Variants in EPHA3 observed in about 807,000 individuals in gnomAD.
EPHA3 encodes the protein ephrin type-A receptor 3.
EPHA3 carries 42 observed loss-of-function variants against 107.1 expected under a neutral mutation model. The ratio of observed to expected loss-of-function variants is 0.39; its 90% CI spans 0.31 to 0.51. The LOEUF (loss-of-function observed/expected upper bound fraction) is 0.51, where lower values mean the gene tolerates loss of function less well. EPHA3 is among the 20% of genes least tolerant of loss of function. The pLI, the probability that EPHA3 is intolerant of heterozygous loss-of-function variation, is 0.78. For missense variants in EPHA3, 1,183 were observed against 1,211.2 expected, an observed-to-expected ratio of 0.98 and a Z score of 0.35; for synonymous variants, 461 against 424.8, an observed-to-expected ratio of 1.09 and a Z score of -1.05.
chr3:89,177,763 T>C (rs1705351324), intron 2 of EPHA3, among the ~76,000 whole-genome samples: 2 of 152,172 alleles, frequency 1.3e-5, no homozygotes, highest in African/African-American at 4.8e-5. Flanking sequence ...TCAACTGTAG[T>C]CCTGACAACA....
At chr3:89,272,545 C>T (rs1705699800) in intron 3 of EPHA3, among the ~76,000 whole-genome samples, 1 of 151,890 alleles carries the variant, frequency 6.6e-6, no homozygotes, top group African/African-American at 2.4e-5. Context: ...AAGGCATGTG[C>T]TATGCCAGAT....
chr3:89,211,172 C>T lies in EPHA3; in HGVS notation c.814+652C>T, dbSNP rs1290455583. On this transcript the variant is annotated intron_variant, in intron 3 of 16. Transcript: ENST00000336596. ...AAAATTATTTGTATCATCCGTTAGG[C>T]TTGAATGCATATTTGATATTAATAT... 3.9e-5 allele frequency among the ~76,000 whole-genome samples: 6 copies of T among 152,004 alleles called. No homozygotes were observed. The East Asian group carries it at 7.7e-4, about 20-fold the overall frequency.
At chr3:89,288,848 C>T (rs1706149253) in intron 3 of EPHA3, among the ~76,000 whole-genome samples, 1 of 152,218 alleles carries the variant, frequency 6.6e-6, no homozygotes, top group East Asian at 1.9e-4. Flanking sequence ...GTTTATTTAA[C>T]CTGAGATTGA....
chr3:89,240,811 G>T (rs978772527), intron 3 of EPHA3, among the ~76,000 whole-genome samples: 1 of 151,930 alleles, frequency 6.6e-6, no homozygotes, highest in Non-Finnish European at 1.5e-5. Context: ...ACTGATTTAG[G>T]TTATGAAGAT....
chr3:89,303,859 A>C (rs1706548582), intron 3 of EPHA3, among the ~76,000 whole-genome samples: 1 of 152,106 alleles, frequency 6.6e-6, no homozygotes, highest in South Asian at 2.1e-4. Flanking sequence ...CTCTTTGTGC[A>C]CCTCTGTGTT....
chr3:89,362,396 T>C (rs762553648), intron 5 of EPHA3, among the ~76,000 whole-genome samples: 2 of 151,080 alleles, frequency 1.3e-5, no homozygotes, highest in Non-Finnish European at 3.0e-5. Flanking sequence ...TTATTCCACC[T>C]CCATGTAAAG....
intron 2 of EPHA3, among the ~76,000 whole-genome samples, chr3:89,183,153 C>T (rs2107123376): frequency 6.6e-6 from 1 of 152,002 alleles, no homozygotes; most frequent in Middle Eastern, 3.4e-3. Flanking sequence ...TTATTGAGTT[C>T]CTACTACATG....
At chr3:89,116,799 C>G (rs1707268520) in intron 1 of EPHA3, among the ~76,000 whole-genome samples, 1 of 150,924 alleles carries the variant, frequency 6.6e-6, no homozygotes, top group Non-Finnish European at 1.5e-5. Flanking sequence ...GCATATTTTC[C>G]ATGAACAAAG....
chr3:89,445,899 G>A (rs1477897192), intron 13 of EPHA3, among the ~76,000 whole-genome samples: 1 of 152,140 alleles, frequency 6.6e-6, no homozygotes, highest in East Asian at 1.9e-4. Context: ...AAATTAGTAC[G>A]AAGGTAAAGA....
At chr3:89,451,816 C>T (rs138343290) in intron 15 of EPHA3, among the ~76,000 whole-genome samples, 134 of 151,984 alleles carry the variant, frequency 8.8e-4, no homozygotes, top group African/African-American at 3.1e-3. Context: ...CTAAAGCTGG[C>T]GTTCAATGCA....
chr3:89,350,715 T>G (rs1368156342), intron 5 of EPHA3, among the ~76,000 whole-genome samples: 1 of 151,046 alleles, frequency 6.6e-6, no homozygotes, highest in Non-Finnish European at 1.5e-5. Flanking sequence ...GTTTCCAGTT[T>G]TTCTGTTCTG....
intron 2 of EPHA3, among the ~76,000 whole-genome samples, chr3:89,160,346 T>C (rs1704902542): frequency 6.6e-6 from 1 of 152,202 alleles, no homozygotes; most frequent in Non-Finnish European, 1.5e-5. Context: ...TTAGTGTCTG[T>C]TTCTTACAGA....
chr3:89,170,062 C>T (rs1477374713), intron 2 of EPHA3, among the ~76,000 whole-genome samples: 1 of 151,938 alleles, frequency 6.6e-6, no homozygotes, highest in Non-Finnish European at 1.5e-5. Context: ...TCCTGGCTAA[C>T]ACGTTGAAAT....
intron 2 of EPHA3, among the ~76,000 whole-genome samples, chr3:89,171,888 G>A (rs1174338548): frequency 2.0e-5 from 3 of 152,064 alleles, no homozygotes; most frequent in Non-Finnish European, 2.9e-5. Context: ...TAACATTAGC[G>A]GGTCATTGTG....
At chr3:89,248,290 T>A (rs1388321116) in intron 3 of EPHA3, among the ~76,000 whole-genome samples, 1 of 152,118 alleles carries the variant, frequency 6.6e-6, no homozygotes, top group Non-Finnish European at 1.5e-5. Context: ...TCTCAACTCA[T>A]CTTTCCTGAG....
chr3:89,431,118 T>G, intron 12 of EPHA3, 32 bp from the exon 13 acceptor site: 1 of 1,599,622 alleles, frequency 6.3e-7, no homozygotes, highest in Non-Finnish European at 8.5e-7. Flanking sequence ...AATAGGAACG[T>G]ATCTTAATTG....
rs180930773 is a variant in EPHA3, at chr3:89,356,061, C to T, written c.1306+13971C>T. Among the ~76,000 whole-genome samples, 35 of 138,846 alleles carry T rather than the reference C, an allele frequency of 2.5e-4. No homozygotes were observed. In the East Asian group the frequency reaches 7.5e-3, roughly 30 times the overall value. 91.1% of individuals were successfully genotyped at this position (138,846 alleles called of 152,430 possible). A position where few individuals can be genotyped will look rare whatever the true frequency, so the allele number is the denominator to read the frequency against. On this transcript the variant is annotated intron_variant, in intron 5 of 16. Transcript: ENST00000336596. Reference sequence around the variant, plus strand: ...ATGTGTTCTCATTGTTCAATTCTCACCTATGAGTGAGAATATACAGTGTTT... The same window carrying T: ...ATGTGTTCTCATTGTTCAATTCTCATCTATGAGTGAGAATATACAGTGTTT...
intron 13 of EPHA3, among the ~76,000 whole-genome samples, chr3:89,448,135 G>A (rs1247417565): frequency 2.0e-5 from 3 of 151,968 alleles, no homozygotes; most frequent in South Asian, 2.1e-4. Context: ...TCCACATTAC[G>A]GTGGCTTTCA....
chr3:89,268,745 T>C (rs1474418316), intron 3 of EPHA3, among the ~76,000 whole-genome samples: 2 of 152,054 alleles, frequency 1.3e-5, no homozygotes, highest in African/African-American at 4.8e-5. Context: ...TCAGCTGAGG[T>C]ATTAGAATTT....
Sources: allele counts gnomAD v4.1 joint callset (sites outside exome capture counted in the v4.1 genomes callset), GRCh38; gene constraint gnomAD v4.1.1; transcripts MANE v1.5; gene names NCBI Gene and HGNC (gene_info 2026-07-23, HGNC 2026-07-21).